CELF1: variants seen among roughly 807,000 people sequenced by gnomAD.
CELF1 encodes 50 kDa nuclear polyadenylated RNA-binding protein.
Under a neutral mutation model 61.8 loss-of-function variants are expected in CELF1, and 10 were observed. The observed-to-expected ratio is 0.16, with a 90% confidence interval of 0.10 to 0.27. The LOEUF is 0.27. CELF1 is among the 10% of genes least tolerant of loss of function. CELF1 has a pLI of 1.00. For missense variants in CELF1, 380 were observed against 639.1 expected, an observed-to-expected ratio of 0.59 and a Z score of 4.37; for synonymous variants, 236 against 225.1, an observed-to-expected ratio of 1.05 and a Z score of -0.43.
At chr11:47,550,134 C>T (rs1369628940) in intron 1 of CELF1, among the ~76,000 whole-genome samples, 1 of 151,852 alleles carries the variant, frequency 6.6e-6, no homozygotes, top group African/African-American at 2.4e-5. Flanking sequence ...TTTTTAACCA[C>T]AATTTTAAAA....
At chr11:47,473,915 CT>C (rs1010529344) in intron 13 of CELF1, among the ~76,000 whole-genome samples, 3 of 131,744 alleles carry the variant, frequency 2.3e-5, no homozygotes, top group African/African-American at 6.3e-5. Flanking sequence ...TTTTTTCTTT[CT>C]TTTTTTTTGA....
chr11:47,499,130 T>C (rs1468278118), intron 3 of CELF1, among the ~76,000 whole-genome samples: 1 of 152,080 alleles, frequency 6.6e-6, no homozygotes, highest in South Asian at 2.1e-4. Context: ...GCGACAATGC[T>C]ACAGTTTAAA....
chr11:47,529,645 C>A (rs1004273417), intron 1 of CELF1, among the ~76,000 whole-genome samples: 1 of 151,460 alleles, frequency 6.6e-6, no homozygotes, highest in Non-Finnish European at 1.5e-5. Context: ...GGCAACACAG[C>A]GAGACTCCGA....
intron 2 of CELF1, among the ~76,000 whole-genome samples, chr11:47,563,910 CAGG>C (rs1271663846): frequency 1.3e-5 from 2 of 151,634 alleles, no homozygotes; most frequent in African/African-American, 2.4e-5. Context: ...GAGGCTGAGG[CAGG>C]AGAATTGCTT....
chr11:47,553,223 G>T (rs2097187505), upstream of CELF1: 20 of 386,188 alleles, frequency 5.2e-5, no homozygotes, highest in Admixed American at 7.2e-4. Context: ...TCACCGCGGC[G>T]CCGCCCGCAG....
chr11:47,494,278 C>T (rs775826129), intron 3 of CELF1: 17 of 540,462 alleles, frequency 3.1e-5, no homozygotes, highest in Non-Finnish European at 3.5e-5. Context: ...TGAAACCTAC[C>T]CCCTCTCTTT....
chr11:47,535,487 T>G (rs556893250), intron 1 of CELF1, among the ~76,000 whole-genome samples: 1 of 152,008 alleles, frequency 6.6e-6, no homozygotes, highest in South Asian at 2.1e-4. Flanking sequence ...GAGACCAGCC[T>G]GACCAACATG....
intron 1 of CELF1, among the ~76,000 whole-genome samples, chr11:47,533,809 C>CAG (rs2070246576): frequency 2.3e-5 from 2 of 85,306 alleles, no homozygotes; most frequent in East Asian, 7.8e-4. Context: ...GACTCTCCCC[C>CAG]AAAAAAAAAA....
intron 1 of CELF1, among the ~76,000 whole-genome samples, chr11:47,550,323 G>GA (rs2097105268): frequency 6.6e-6 from 1 of 151,916 alleles, no homozygotes; most frequent in Non-Finnish European, 1.5e-5. Flanking sequence ...CTGAGGTCAG[G>GA]AGTTCTAGAT....
intron 1 of CELF1, among the ~76,000 whole-genome samples, chr11:47,541,704 A>AT (rs1565904201): frequency 6.7e-4 from 1 of 1,492 alleles, no homozygotes; most frequent in African/African-American, 8.1e-4. Context: ...GAAAGAAAGA[A>AT]AGAAAGAAAG....
rs568839507 is a variant in CELF1, at chr11:47,471,302, G to A, written c.*928C>T. The A allele has an allele frequency of 1.3e-5, 2 of 152,370 alleles. No homozygotes were observed. The highest frequency in any genetic ancestry group is 4.1e-4 in the South Asian group (2 of 4,828). The allele number at this position is 152,370 out of a possible 1,614,324, so 9.4% of individuals were successfully genotyped here. A position where few individuals can be genotyped will look rare whatever the true frequency, so the allele number is the denominator to read the frequency against. Reference sequence around the variant, plus strand: ...GAGAAAATGGTGGCTTGGGATGGAGGTGACATTCCTTGCTGTGGTGAACTG... The same window carrying A: ...GAGAAAATGGTGGCTTGGGATGGAGATGACATTCCTTGCTGTGGTGAACTG... On this transcript the variant is annotated 3_prime_UTR_variant, in exon 15 of 15. Coordinates refer to ENST00000687097, the MANE Select transcript of CELF1 (RefSeq NM_001376376.1).
chr11:47,526,979 A>G (rs1251205292), intron 1 of CELF1, among the ~76,000 whole-genome samples: 1 of 151,928 alleles, frequency 6.6e-6, no homozygotes, highest in East Asian at 1.9e-4. Context: ...TGAACCCAGG[A>G]GGCAGAGGTT....
At chr11:47,517,283 A>G (rs1466913909) in intron 1 of CELF1, among the ~76,000 whole-genome samples, 1 of 150,796 alleles carries the variant, frequency 6.6e-6, no homozygotes, top group Non-Finnish European at 1.5e-5. Flanking sequence ...AAAAAAAGAC[A>G]TGCCCTTTGA....
At chr11:47,481,952 C>T (rs1041461487) in intron 9 of CELF1, among the ~76,000 whole-genome samples, 1 of 152,200 alleles carries the variant, frequency 6.6e-6, no homozygotes, top group African/African-American at 2.4e-5. Flanking sequence ...CCTGTAAACC[C>T]AGCACTTTGG....
rs891450287 is a variant in CELF1 at position 47,467,505 on chromosome 11, A to G, written c.*4725T>C. 1 of 152,344 alleles carries G rather than the reference A, an allele frequency of 6.6e-6. No homozygotes were observed. The allele number at this position is 152,344 out of a possible 1,614,324, so 9.4% of individuals were successfully genotyped here. The stretch of plus-strand genomic sequence containing the variant: ...CCGGGTGGCTGGTGCCCAGGGCTGT[A>G]AACAGTGTGAAGACTGTAGTATTGT... On this transcript the variant is annotated 3_prime_UTR_variant, in exon 15 of 15. Transcript: ENST00000687097.
chr11:47,501,551 T>C (rs921103935), intron 1 of CELF1, among the ~76,000 whole-genome samples: 47 of 152,178 alleles, frequency 3.1e-4, no homozygotes, highest in Non-Finnish European at 4.0e-4. Context: ...GGCTCACGCC[T>C]GTAATCAATC....
chr11:47,520,099 C>CA (rs555506624), intron 1 of CELF1, among the ~76,000 whole-genome samples: 29 of 148,836 alleles, frequency 1.9e-4, no homozygotes, highest in South Asian at 8.5e-4. Context: ...AAGAGGATAC[C>CA]AAAAAAAAAG....
chr11:47,502,847 A>G lies in CELF1; in HGVS notation c.-153-1915T>C, dbSNP rs139376319. Reference sequence around the variant, plus strand: ...ACTCTGTCTCAAAAAAAAATCAGATAGACATTCCAGGCTTTTCCCACAAAG... The same window carrying G: ...ACTCTGTCTCAAAAAAAAATCAGATGGACATTCCAGGCTTTTCCCACAAAG... On this transcript the variant is annotated intron_variant, in intron 1 of 14. Coordinates refer to ENST00000687097, the MANE Select transcript of CELF1 (RefSeq NM_001376376.1). Among the ~76,000 whole-genome samples, 670 of 152,258 alleles carry G rather than the reference A, an allele frequency of 4.4e-3. 4 individuals are homozygous for G. The highest frequency in any genetic ancestry group is 0.016 in the African/African-American group (650 of 41,558).
chr11:47,485,246 T>C (rs1184816294), intron 6 of CELF1, among the ~76,000 whole-genome samples: 1 of 152,166 alleles, frequency 6.6e-6, no homozygotes, highest in African/African-American at 2.4e-5. Context: ...GGTGGCATGA[T>C]CATGGCTCAC....
Sources: gnomAD v4.1 joint callset for allele counts (sites outside exome capture counted in the v4.1 genomes callset) on GRCh38, gnomAD v4.1.1 for gene constraint, MANE v1.5 for transcripts, NCBI Gene and HGNC (gene_info 2026-07-23, HGNC 2026-07-21) for gene names.